Variants in KAZN observed in about 807,000 individuals in gnomAD.
KAZN encodes kazrin.
In KAZN, 40 loss-of-function variants were observed where a neutral mutation model predicts 87.4. The ratio of observed to expected loss-of-function variants is 0.46; its 90% CI spans 0.36 to 0.60. KAZN has a LOEUF of 0.60. Ranked by LOEUF, KAZN falls within the 20% of genes least tolerant of loss-of-function variation. KAZN has a pLI of 0.00. For synonymous variants in KAZN, 466 were observed against 458.3 expected, an observed-to-expected ratio of 1.02 and a Z score of -0.22; for missense variants, 898 against 1,073.9, an observed-to-expected ratio of 0.84 and a Z score of 2.29.
rs566811822 is a variant in KAZN at position 14,330,150 on chromosome 1, G to T, written c.249+149558G>T. 2.0e-5 allele frequency among the ~76,000 whole-genome samples: 3 copies of T among 152,318 alleles called. No individual in the cohort carries two copies. In the South Asian group the frequency reaches 6.2e-4, roughly 32 times the overall value. On this transcript the variant is annotated intron_variant, in intron 2 of 16. Coordinates refer to the KAZN transcript ENST00000636203. ...CACAGTAAGTGGAAAGATGGGCACT[G>T]GGAGGCAAAGGGAACCCAACTGCAG...
intron 2 of KAZN, among the ~76,000 whole-genome samples, chr1:14,584,873 C>A (rs1204971623): frequency 6.6e-6 from 1 of 152,144 alleles, no homozygotes; most frequent in Non-Finnish European, 1.5e-5. Flanking sequence ...AAACTCCCGA[C>A]CTCTGGTGAT....
chr1:14,896,604 G>C (rs1309975034), intron 1 of KAZN, among the ~76,000 whole-genome samples: 1 of 152,176 alleles, frequency 6.6e-6, no homozygotes, highest in Non-Finnish European at 1.5e-5. Flanking sequence ...TGCTGGTGGG[G>C]AGCAGGCTGC....
intron 2 of KAZN, among the ~76,000 whole-genome samples, chr1:14,357,716 G>A (rs754302335): frequency 2.6e-5 from 4 of 152,118 alleles, no homozygotes; most frequent in East Asian, 1.9e-4. Context: ...TTTATGTGAC[G>A]GATTACATTT....
chr1:14,707,444 G>C (rs1363503206), intron 1 of KAZN, among the ~76,000 whole-genome samples: 1 of 152,196 alleles, frequency 6.6e-6, no homozygotes, highest in Non-Finnish European at 1.5e-5. Flanking sequence ...GCTGCACCAA[G>C]CTGGGAGTTT....
intron 2 of KAZN, among the ~76,000 whole-genome samples, chr1:14,336,323 T>C (rs1191709870): frequency 6.6e-6 from 1 of 152,252 alleles, no homozygotes; most frequent in Non-Finnish European, 1.5e-5. Context: ...GGCTGAATAA[T>C]ATTCCATCAT....
intron 1 of KAZN, among the ~76,000 whole-genome samples, chr1:14,752,769 G>A (rs1644448026): frequency 6.6e-6 from 1 of 152,108 alleles, no homozygotes; most frequent in Admixed American, 6.5e-5. Context: ...TCAGACCATA[G>A]CAAGAGCCAA....
chr1:14,076,951 C>T (rs1427386984), intron 1 of KAZN, among the ~76,000 whole-genome samples: 1 of 152,054 alleles, frequency 6.6e-6, no homozygotes, highest in Non-Finnish European at 1.5e-5. Context: ...TGTCGCTTGC[C>T]CTGGGATGCA....
At chr1:14,416,397 A>T (rs1038220522) in intron 2 of KAZN, among the ~76,000 whole-genome samples, 1 of 152,218 alleles carries the variant, frequency 6.6e-6, no homozygotes, top group Non-Finnish European at 1.5e-5. Flanking sequence ...GCAAAGTGAC[A>T]TTTCAGCAGT....
chr1:14,058,999 T>G (rs1157999414), intron 1 of KAZN, among the ~76,000 whole-genome samples: 1 of 152,156 alleles, frequency 6.6e-6, no homozygotes, highest in African/African-American at 2.4e-5. Flanking sequence ...AGAGGACGGC[T>G]TTGTGATGAA....
At chr1:14,803,780 C>G (rs934313950) in intron 1 of KAZN, among the ~76,000 whole-genome samples, 1 of 152,248 alleles carries the variant, frequency 6.6e-6, no homozygotes, top group African/African-American at 2.4e-5. Context: ...AGGGCTGGCA[C>G]TCCACATTGG....
At chr1:14,353,327 C>T (rs1015762311) in intron 2 of KAZN, among the ~76,000 whole-genome samples, 10 of 97,376 alleles carry the variant, frequency 1.0e-4, no homozygotes, top group Non-Finnish European at 1.7e-4. Flanking sequence ...CAGGGTCATG[C>T]CATTCTCCTG....
At chr1:14,052,769 C>G (rs1012636476) in intron 1 of KAZN, among the ~76,000 whole-genome samples, 1 of 152,148 alleles carries the variant, frequency 6.6e-6, no homozygotes, top group Non-Finnish European at 1.5e-5. Flanking sequence ...AAGTGACATT[C>G]GAGCAAGGAG....
chr1:14,642,527 G>A (rs920736043), intron 1 of KAZN, among the ~76,000 whole-genome samples: 44 of 152,312 alleles, frequency 2.9e-4, no homozygotes, highest in African/African-American at 1.0e-3. Flanking sequence ...GTGGAACAGA[G>A]GATACTGGAG....
chr1:14,978,106 C>T (rs6429698), intron 2 of KAZN, among the ~76,000 whole-genome samples: 27,562 of 152,010 alleles, frequency 0.18, 2,742 homozygotes, highest in African/African-American at 0.24. Context: ...GCGAACGCTC[C>T]CTCCCCGTGG....
intron 1 of KAZN, among the ~76,000 whole-genome samples, chr1:14,169,268 A>G (rs1404957328): frequency 6.6e-6 from 1 of 151,932 alleles, no homozygotes; most frequent in East Asian, 1.9e-4. Flanking sequence ...GGTCCTTACC[A>G]TGTCATTCTC....
At position 14,170,487 on chromosome 1, in the gene KAZN, T is replaced by G. The variant is rs78859272; in HGVS notation, c.92-9948T>G. Among the ~76,000 whole-genome samples, 63 of 152,272 alleles carry G rather than the reference T, an allele frequency of 4.1e-4. No homozygotes were observed. In the East Asian group the frequency reaches 0.012, roughly 29 times the overall value. On this transcript the variant is annotated intron_variant, in intron 1 of 16. Transcript: ENST00000636203. Reference sequence around the variant, plus strand: ...GCCAGAGACCACTCCAGTGTCTGATTCTAGAAAGATGTTCCAGTATCAACT... The same window carrying G: ...GCCAGAGACCACTCCAGTGTCTGATGCTAGAAAGATGTTCCAGTATCAACT...
chr1:14,041,249 A>G lies in KAZN; in HGVS notation c.92-139186A>G, dbSNP rs61777719. On this transcript the variant is annotated intron_variant, in intron 1 of 16. Coordinates refer to the KAZN transcript ENST00000636203. The stretch of plus-strand genomic sequence containing the variant: ...TTACACCCCTCTTTCTTTTCTCCTT[A>G]TACCCCAGTAGTATAATTCCACGTT... Among the ~76,000 whole-genome samples, 855 of 152,242 alleles carry G rather than the reference A, an allele frequency of 5.6e-3. 2 individuals carry two copies. The highest frequency in any genetic ancestry group is 0.014 in the Middle Eastern group (4 of 294).
chr1:14,890,993 G>A (rs927413848), intron 1 of KAZN, among the ~76,000 whole-genome samples: 25 of 151,508 alleles, frequency 1.7e-4, no homozygotes, highest in Non-Finnish European at 2.9e-4. Context: ...ACAGGCACCC[G>A]TCACCACGCC....
chr1:14,830,315 C>T (rs1230553489), intron 1 of KAZN, among the ~76,000 whole-genome samples: 1 of 152,156 alleles, frequency 6.6e-6, no homozygotes, highest in Non-Finnish European at 1.5e-5. Context: ...ACAGTCCCAG[C>T]AAAGGTCCTA....
Sources: gnomAD v4.1 joint callset for allele counts (sites outside exome capture counted in the v4.1 genomes callset) on GRCh38, gnomAD v4.1.1 for gene constraint, MANE v1.5 for transcripts, NCBI Gene and HGNC (gene_info 2026-07-23, HGNC 2026-07-21) for gene names.